The following LPAR1 variants were observed in gnomAD, a reference collection of about 807,000 sequenced individuals.
LPAR1 encodes LPA receptor 1.
LPAR1 carries 5 observed loss-of-function variants against 23.8 expected under a neutral mutation model. That is an observed-to-expected ratio of 0.21 (90% CI 0.11 to 0.44). The LOEUF (loss-of-function observed/expected upper bound fraction) is 0.44, where lower values mean the gene tolerates loss of function less well. Among genes scored for constraint, LPAR1 ranks in the 20% least tolerant of loss-of-function variants. The pLI is 0.99. For missense variants in LPAR1, 311 were observed against 482.8 expected (o/e 0.64, Z 3.33); for synonymous variants, 160 against 164.7 (o/e 0.97, Z 0.22).
At chr9:110,926,214 C>T (rs1196268921) in intron 5 of LPAR1, among the ~76,000 whole-genome samples, 1 of 152,208 alleles carries the variant, frequency 6.6e-6, no homozygotes, top group Non-Finnish European at 1.5e-5. Context: ...GCCACCACGC[C>T]CAGCCCAGAA....
chr9:110,917,050 G>A (rs1331291358), intron 5 of LPAR1, among the ~76,000 whole-genome samples: 1 of 151,796 alleles, frequency 6.6e-6, no homozygotes, highest in Non-Finnish European at 1.5e-5. Context: ...ACTTTAAAAT[G>A]TTCTTGGCCG....
At chr9:110,920,944 G>A (rs1286390328) in intron 5 of LPAR1, among the ~76,000 whole-genome samples, 1 of 151,818 alleles carries the variant, frequency 6.6e-6, no homozygotes, top group Non-Finnish European at 1.5e-5. Context: ...GAAACATAAT[G>A]AGACCCCATC....
chr9:110,991,046 T>G (rs868318236), intron 2 of LPAR1, among the ~76,000 whole-genome samples: 5 of 152,268 alleles, frequency 3.3e-5, no homozygotes, highest in Non-Finnish European at 5.9e-5. Context: ...AAAAACCAAC[T>G]GATTCATACC....
At chr9:110,904,998 G>A (rs534933890) in intron 5 of LPAR1, among the ~76,000 whole-genome samples, 1 of 152,264 alleles carries the variant, frequency 6.6e-6, no homozygotes, top group African/African-American at 2.4e-5. Flanking sequence ...ACTGGAGCAT[G>A]GACCATTTCC....
At chr9:110,889,048 A>G (rs2083256907) in intron 5 of LPAR1, among the ~76,000 whole-genome samples, 1 of 152,214 alleles carries the variant, frequency 6.6e-6, no homozygotes, top group African/African-American at 2.4e-5. Flanking sequence ...GGCATGAATT[A>G]GTATGTTTTA....
rs1424604747 is a variant in LPAR1 at position 110,873,780 on chromosome 9, T to C, written c.*1641A>G. The C allele has an allele frequency of 6.6e-6, 1 of 152,218 alleles. No homozygotes were observed. Among genetic ancestry groups the C allele is most frequent in the African/African-American group, 2.4e-5 (1 of 41,456 alleles). The allele number at this position is 152,218 out of a possible 1,614,324, so 9.4% of individuals were successfully genotyped here. ...ACAGATGGACCCACACTAATTGATA[T>C]GACAATCCTTTATTCACTCGGCACA... is the stretch of plus-strand genomic sequence containing the variant. On this transcript the variant is annotated 3_prime_UTR_variant, in exon 6 of 6. Transcript: ENST00000683809.
intron 5 of LPAR1, among the ~76,000 whole-genome samples, chr9:110,898,844 C>A (rs565155144): frequency 3.8e-4 from 58 of 152,266 alleles, no homozygotes; most frequent in Middle Eastern, 3.4e-3. Flanking sequence ...TAAAATCAGG[C>A]CTTTCACGTA....
At chr9:110,980,284 A>G (rs2096640980) in intron 2 of LPAR1, among the ~76,000 whole-genome samples, 1 of 152,094 alleles carries the variant, frequency 6.6e-6, no homozygotes, top group Non-Finnish European at 1.5e-5. Flanking sequence ...CAATTTTAAA[A>G]ATTTTCAAAA....
chr9:110,896,015 CTTAG>C (rs1322987783), intron 5 of LPAR1, among the ~76,000 whole-genome samples: 2 of 152,084 alleles, frequency 1.3e-5, no homozygotes, highest in South Asian at 2.1e-4. Flanking sequence ...GAGTGAAAAA[CTTAG>C]TTAGGGAAGA....
At chr9:110,991,302 G>A (rs915344714) in intron 2 of LPAR1, among the ~76,000 whole-genome samples, 1 of 152,094 alleles carries the variant, frequency 6.6e-6, no homozygotes, top group African/African-American at 2.4e-5. Flanking sequence ...CTCCAGAAAC[G>A]TGCATTGAAG....
chr9:110,964,958 C>A (rs1401257031), intron 4 of LPAR1, among the ~76,000 whole-genome samples: 1 of 146,764 alleles, frequency 6.8e-6, no homozygotes, highest in Admixed American at 7.2e-5. Context: ...GCCACATTTG[C>A]CTCCTGGGTT....
intron 4 of LPAR1, among the ~76,000 whole-genome samples, chr9:110,967,473 C>T (rs1054372551): frequency 1.3e-5 from 2 of 152,114 alleles, no homozygotes; most frequent in African/African-American, 4.8e-5. Flanking sequence ...CTCTTTGTTA[C>T]CCAATGAATA....
Position 111,038,068 on chromosome 9 carries a change from G to C in LPAR1, c.-262+99C>G, listed in dbSNP as rs1042229548. On this transcript the variant is annotated intron_variant, in intron 1 of 5. Transcript: ENST00000683809. The surrounding 1 kb of genome is among the most constrained non-coding windows in gnomAD (Gnocchi z 4.4). ...CAAAGCCCGTCCGCGGCGGGACAGT[G>C]TGAGCCCAGCGCGCCGTGTGGCGGG... The C allele has an allele frequency of 3.1e-4, 47 of 151,844 alleles. No individual in the cohort carries two copies. The highest frequency in any genetic ancestry group is 1.1e-3 in the African/African-American group (45 of 41,498). 9.4% of individuals were successfully genotyped at this position (151,844 alleles called of 1,614,324 possible).
chr9:110,981,137 C>T (rs1171598256), intron 2 of LPAR1, among the ~76,000 whole-genome samples: 1 of 152,066 alleles, frequency 6.6e-6, no homozygotes, highest in African/African-American at 2.4e-5. Context: ...ATCAAATATT[C>T]GGTAAGTTCA....
chr9:111,009,022 T>A, intron 2 of LPAR1, among the ~76,000 whole-genome samples: 1 of 151,748 alleles, frequency 6.6e-6, no homozygotes. Flanking sequence ...GAACAAACAG[T>A]CGAAGCAGAC....
intron 2 of LPAR1, among the ~76,000 whole-genome samples, chr9:110,990,011 TA>T (rs536549033): frequency 5.3e-5 from 8 of 151,172 alleles, no homozygotes; most frequent in Admixed American, 2.6e-4. Context: ...GCAGGGATTT[TA>T]AAAAAAAAGG....
intron 5 of LPAR1, among the ~76,000 whole-genome samples, chr9:110,891,204 TG>T (rs1329108399): frequency 6.6e-6 from 1 of 152,144 alleles, no homozygotes; most frequent in African/African-American, 2.4e-5. Context: ...CTCAGAAAAG[TG>T]GGCATATATA....
At chr9:110,950,479 A>G (rs2095535404) in intron 4 of LPAR1, among the ~76,000 whole-genome samples, 1 of 152,014 alleles carries the variant, frequency 6.6e-6, no homozygotes, top group African/African-American at 2.4e-5. Context: ...AAAAAAAAAA[A>G]AAAACTGGAA....
At chr9:110,932,026 C>T (rs188658564) in intron 5 of LPAR1, among the ~76,000 whole-genome samples, 1 of 152,074 alleles carries the variant, frequency 6.6e-6, no homozygotes, top group South Asian at 2.1e-4. Flanking sequence ...TGGAACTTAG[C>T]CTTAAAAAAA....
Sources: allele counts gnomAD v4.1 joint callset (sites outside exome capture counted in the v4.1 genomes callset), GRCh38; gene constraint gnomAD v4.1.1; non-coding constraint Gnocchi (gnomAD v3.1); transcripts MANE v1.5; gene names NCBI Gene and HGNC (gene_info 2026-07-23, HGNC 2026-07-21).